ZNF184: variants seen among roughly 807,000 people sequenced by gnomAD.
The protein encoded by ZNF184 is zinc finger protein 184.
Under a neutral mutation model 54.4 loss-of-function variants are expected in ZNF184, and 16 were observed. The observed-to-expected ratio is 0.29, with a 90% CI of 0.20 to 0.45. ZNF184 has a LOEUF of 0.45. Among genes scored for constraint, ZNF184 ranks in the 20% least tolerant of loss-of-function variants. ZNF184 has a pLI of 1.00. For synonymous variants in ZNF184, 254 were observed against 295.3 expected (o/e 0.86, Z 1.43); for missense variants, 681 against 888.2 (o/e 0.77, Z 2.97).
At chr6:27,445,811 G>A (rs1460420279), downstream of ZNF184, among the ~76,000 whole-genome samples, 2 of 152,006 alleles carry the variant, frequency 1.3e-5, no homozygotes, top group African/African-American at 4.8e-5. Flanking sequence ...GGAAACTAGA[G>A]TAAAGGCCAT....
rs1763009478 is a variant in ZNF184 at position 27,462,083 on chromosome 6, G to A, written c.76-4674C>T. On this transcript the variant is annotated intron_variant, in intron 3 of 5. Coordinates refer to ENST00000683788, the MANE Select transcript of ZNF184 (RefSeq NM_001318891.2). Reference sequence around the variant, plus strand: ...AATACTCAATGGTCCTGCCTCTATGGTCAGGAATAAATAGGCTGAGACTAA... The same window carrying A: ...AATACTCAATGGTCCTGCCTCTATGATCAGGAATAAATAGGCTGAGACTAA... 5.3e-5 allele frequency among the ~76,000 whole-genome samples: 8 copies of A among 152,116 alleles called. 1 individual carries two copies. The highest frequency in any genetic ancestry group is 5.2e-4 in the Admixed American group (8 of 15,270).
At chr6:27,422,860 A>G in the ZNF184 span, among the ~76,000 whole-genome samples, 104 of 152,302 alleles carry the variant, frequency 6.8e-4, 2 homozygotes, top group East Asian at 0.019. Context: ...ACTTTCGTAT[A>G]CAGCACCCGG....
At chr6:27,457,474 A>G (rs1251397805) in intron 3 of ZNF184, 65 bp from the exon 4 acceptor site, 7 of 1,571,260 alleles carry the variant, frequency 4.5e-6, no homozygotes, top group Non-Finnish European at 8.7e-7. Flanking sequence ...TAAAGTTAGC[A>G]ATACTGACAG....
intron 3 of ZNF184, among the ~76,000 whole-genome samples, chr6:27,465,409 T>A (rs1763107036): frequency 8.4e-6 from 1 of 118,836 alleles, no homozygotes; most frequent in African/African-American, 3.2e-5. Flanking sequence ...GGCATGAACC[T>A]GGGAGGCGGA....
chr6:27,468,325 A>G (rs1036561667), intron 2 of ZNF184, among the ~76,000 whole-genome samples: 2 of 152,228 alleles, frequency 1.3e-5, no homozygotes, highest in Admixed American at 6.5e-5. Context: ...ACAATGACAT[A>G]TGCTACTTAC....
chr6:27,466,831 G>A (rs1370861862), intron 3 of ZNF184, among the ~76,000 whole-genome samples: 1 of 152,066 alleles, frequency 6.6e-6, no homozygotes, highest in Non-Finnish European at 1.5e-5. Flanking sequence ...GTGAGCAATT[G>A]TTACCTTTTT....
the ZNF184 span, chr6:27,407,077 G>C: frequency 2.8e-4 from 42 of 152,726 alleles, no homozygotes; most frequent in Non-Finnish European, 4.7e-4. Flanking sequence ...GCCAACCCAG[G>C]AACCCTCAGG....
At chr6:27,433,952 T>TTTCCTTCCTTCCTCTCCCTCCC in the ZNF184 span, among the ~76,000 whole-genome samples, 2 of 49,210 alleles carry the variant, frequency 4.1e-5, no homozygotes, top group African/African-American at 6.1e-5. Context: ...TCCTTCCTTC[T>TTTCCTTCCTTCCTCTCCCTCCC]TTCCTTCCTT....
At chr6:27,470,374 A>G (rs1450276625) in intron 2 of ZNF184, among the ~76,000 whole-genome samples, 1 of 152,204 alleles carries the variant, frequency 6.6e-6, no homozygotes, top group Non-Finnish European at 1.5e-5. Flanking sequence ...AGCAGTTTCA[A>G]CTGTTTGGCT....
At chr6:27,465,987 G>A (rs1033551935) in intron 3 of ZNF184, among the ~76,000 whole-genome samples, 1 of 152,152 alleles carries the variant, frequency 6.6e-6, no homozygotes, top group African/African-American at 2.4e-5. Context: ...TGGCAAAAGA[G>A]ACTTTACAAA....
chr6:27,463,976 G>A (rs1025437040), intron 3 of ZNF184, among the ~76,000 whole-genome samples: 4 of 151,776 alleles, frequency 2.6e-5, no homozygotes, highest in Non-Finnish European at 5.9e-5. Context: ...CAACCTTGGC[G>A]CTATTGATAT....
Position 27,452,372 on chromosome 6 carries a change from C to G in ZNF184, c.1187G>C (p.Gly396Ala). The change falls in exon 6 of 6, where the codon GGA becomes GCA. Residue 396 changes from glycine (G) to alanine (A), a missense_variant. Gly to Ala is a moderately conservative substitution (Grantham distance 60). Coordinates refer to ENST00000683788, the MANE Select transcript of ZNF184 (RefSeq NM_001318891.2). This position sits in a 1 kb window ranked among gnomAD's most constrained non-coding sequence, Gnocchi z 5.5. The part of the protein sequence containing the change: ...GEKTYKCNEC[G>A]KAFNGPSTFI... The stretch of plus-strand genomic sequence containing the variant: ...AGTTGAGGGCCCGTTGAAGGCCTTT[C>G]CACATTCATTACATTTATAGGTTTT... 1 of 1,614,044 alleles carries G rather than the reference C, an allele frequency of 6.2e-7. No individual in the cohort carries two copies. Among genetic ancestry groups the G allele is most frequent in the South Asian group, 1.1e-5 (1 of 91,066 alleles).
the ZNF184 span, among the ~76,000 whole-genome samples, chr6:27,440,953 C>T: frequency 4.6e-5 from 7 of 151,872 alleles, no homozygotes; most frequent in East Asian, 1.4e-3. Context: ...TGCAGTGAGC[C>T]GAGATCGCGC....
chr6:27,445,438 C>G, the ZNF184 span, among the ~76,000 whole-genome samples: 1 of 151,970 alleles, frequency 6.6e-6, no homozygotes. Context: ...AGAGATGGGA[C>G]CTTTACCAGG....
At chr6:27,411,311 C>T in the ZNF184 span, among the ~76,000 whole-genome samples, 1 of 152,134 alleles carries the variant, frequency 6.6e-6, no homozygotes, top group African/African-American at 2.4e-5. Flanking sequence ...GACCCCACCT[C>T]CTACACCACC....
chr6:27,427,624 C>T, the ZNF184 span, among the ~76,000 whole-genome samples: 6 of 152,224 alleles, frequency 3.9e-5, no homozygotes, highest in African/African-American at 4.8e-5. Context: ...TACATCTCTG[C>T]ACAGGGCCTT....
the ZNF184 span, among the ~76,000 whole-genome samples, chr6:27,408,501 G>T: frequency 6.6e-6 from 1 of 152,132 alleles, no homozygotes; most frequent in Non-Finnish European, 1.5e-5. Context: ...TGGGCAAATG[G>T]ATATTTATTA....
At chr6:27,413,200 G>A in the ZNF184 span, among the ~76,000 whole-genome samples, 1 of 152,196 alleles carries the variant, frequency 6.6e-6, no homozygotes, top group Admixed American at 6.5e-5. Context: ...GGAGGTTGTC[G>A]TGAGCCAGAG....
the ZNF184 span, chr6:27,406,210 C>T: frequency 6.6e-6 from 1 of 152,334 alleles, no homozygotes; most frequent in African/African-American, 2.4e-5. Context: ...GTCAAGTCCA[C>T]CACACAGTGG....
Sources: allele counts gnomAD v4.1 joint callset (sites outside exome capture counted in the v4.1 genomes callset), GRCh38; gene constraint gnomAD v4.1.1; non-coding constraint Gnocchi (gnomAD v3.1); transcripts MANE v1.5; gene names NCBI Gene and HGNC (gene_info 2026-07-23, HGNC 2026-07-21).